NTRK3: variants seen among roughly 807,000 people sequenced by gnomAD.
NTRK3 encodes NT-3 growth factor receptor.
A neutral mutation model predicts 91.7 loss-of-function variants in NTRK3; 24 were observed. The ratio of observed to expected loss-of-function variants is 0.26; its 90% CI spans 0.19 to 0.37. The LOEUF (loss-of-function observed/expected upper bound fraction) is 0.37, where lower values mean the gene tolerates loss of function less well. Among genes scored for constraint, NTRK3 ranks in the 10% least tolerant of loss-of-function variants. The pLI, the probability that NTRK3 is intolerant of heterozygous loss-of-function variation, is 1.00. For missense variants in NTRK3, 880 were observed against 1,068.9 expected, an observed-to-expected ratio of 0.82 and a Z score of 2.46; for synonymous variants, 483 against 404.0, an observed-to-expected ratio of 1.20 and a Z score of -2.34.
chr15:88,049,253 C>A (rs1272998111), intron 13 of NTRK3, among the ~76,000 whole-genome samples: 1 of 152,132 alleles, frequency 6.6e-6, no homozygotes, highest in African/African-American at 2.4e-5. Context: ...TATTTTAAGT[C>A]CTTAACAGTT....
At chr15:88,200,729 A>G (rs1393011241) in intron 3 of NTRK3, among the ~76,000 whole-genome samples, 3 of 152,150 alleles carry the variant, frequency 2.0e-5, no homozygotes, top group African/African-American at 7.2e-5. Context: ...TCTTTCCTTT[A>G]TAAATTACCC....
At chr15:87,891,879 T>C (rs1173669282) in intron 17 of NTRK3, among the ~76,000 whole-genome samples, 2 of 152,140 alleles carry the variant, frequency 1.3e-5, no homozygotes, top group African/African-American at 4.8e-5. Flanking sequence ...TTCCGTGCCA[T>C]GTAATAGGCA....
intron 14 of NTRK3, among the ~76,000 whole-genome samples, chr15:88,013,358 AC>A (rs143337980): frequency 0.011 from 1,657 of 152,342 alleles, 18 homozygotes; most frequent in Non-Finnish European, 0.014. Flanking sequence ...AGCTCTGTGC[AC>A]AGTGGACCAT....
At chr15:88,063,245 C>T (rs920300800) in intron 13 of NTRK3, among the ~76,000 whole-genome samples, 1 of 152,212 alleles carries the variant, frequency 6.6e-6, no homozygotes, top group Non-Finnish European at 1.5e-5. Flanking sequence ...ATGACGATGA[C>T]AAGGATGAAG....
intron 17 of NTRK3, among the ~76,000 whole-genome samples, chr15:87,904,813 G>A (rs969507049): frequency 3.3e-5 from 5 of 152,188 alleles, no homozygotes; most frequent in Non-Finnish European, 7.3e-5. Flanking sequence ...ACTCCACAGA[G>A]CACACATATG....
chr15:87,929,377 A>G lies in NTRK3; in HGVS notation c.1947T>C (p.Gly649=), dbSNP rs749035034. The G allele has an allele frequency of 3.1e-6, 5 of 1,613,936 alleles. No individual in the cohort carries two copies. The South Asian group carries it at 5.5e-5, about 18-fold the overall frequency. The change falls in exon 17 of 19, where the codon GGT becomes GGC. Residue 649 remains glycine (G), a synonymous_variant. Coordinates refer to ENST00000394480, the Ensembl canonical transcript of NTRK3. ...GGAGCATTTGGGAGAGCCCCAGCTC[A>G]CCCTTGGCCTGGCGTGGCTGTCCAT...
At chr15:87,926,549 C>G (rs1266470491) in intron 17 of NTRK3, 1 of 152,206 alleles carries the variant, frequency 6.6e-6, no homozygotes, top group East Asian at 1.9e-4. Context: ...TCCTTAAATT[C>G]TAATCTACCC....
intron 13 of NTRK3, among the ~76,000 whole-genome samples, chr15:88,042,071 AT>A (rs1567278935): frequency 6.6e-6 from 1 of 152,118 alleles, no homozygotes; most frequent in African/African-American, 2.4e-5. Flanking sequence ...TAAGAAAATG[AT>A]TTTTTTAAAA....
Position 88,184,214 on chromosome 15 carries a change from G to T in NTRK3, c.323+11C>A, listed in dbSNP as rs1322578770. 2 of 1,613,884 alleles carry T rather than the reference G, an allele frequency of 1.2e-6. No homozygotes were observed. Among genetic ancestry groups the T allele is most frequent in the Middle Eastern group, 1.7e-4 (1 of 6,060 alleles). On this transcript the variant is annotated intron_variant, in intron 4 of 18. Coordinates refer to ENST00000394480, the Ensembl canonical transcript of NTRK3. ...ACAGGGAAAGGCCTCTCTGTGGCCGGGTGTACTCACAGCTTTTGAAGTCCG... is the reference window on the plus strand; with the variant it reads ...ACAGGGAAAGGCCTCTCTGTGGCCGTGTGTACTCACAGCTTTTGAAGTCCG...
intron 5 of NTRK3, among the ~76,000 whole-genome samples, chr15:88,177,466 A>C (rs146250120): frequency 5.3e-5 from 8 of 152,330 alleles, no homozygotes; most frequent in Middle Eastern, 3.4e-3. Context: ...ATATTTTATG[A>C]ATTTATTAAA....
intron 3 of NTRK3, among the ~76,000 whole-genome samples, chr15:88,204,536 T>C (rs1053056487): frequency 6.6e-6 from 1 of 152,216 alleles, no homozygotes; most frequent in East Asian, 1.9e-4. Flanking sequence ...TTGGCCAGGT[T>C]CTCCTTCCAG....
intron 14 of NTRK3, among the ~76,000 whole-genome samples, chr15:88,021,109 T>C (rs1364790944): frequency 6.6e-6 from 1 of 152,168 alleles, no homozygotes; most frequent in Non-Finnish European, 1.5e-5. Context: ...CTGCAACAGC[T>C]TCTAGGAAGA....
chr15:88,176,400 G>T (rs1316777454), intron 5 of NTRK3, among the ~76,000 whole-genome samples: 1 of 152,166 alleles, frequency 6.6e-6, no homozygotes, highest in Non-Finnish European at 1.5e-5. Context: ...CTCCCAAAGT[G>T]CTAGAAGTAT....
At chr15:87,958,505 T>G (rs996163035) in intron 14 of NTRK3, among the ~76,000 whole-genome samples, 4 of 151,980 alleles carry the variant, frequency 2.6e-5, no homozygotes, top group African/African-American at 9.7e-5. Context: ...CTTCTTCTCC[T>G]TGAATCTGAC....
Position 88,217,676 on chromosome 15 carries a change from C to A in NTRK3, c.249-33377G>T, listed in dbSNP as rs376217751. On this transcript the variant is annotated intron_variant, in intron 3 of 18. Transcript: ENST00000394480. ...TGAAAAGAGTTTGGGAGACCAGTTA[C>A]ACAGCAATGTGGATGTGCTTAACGT... is the stretch of plus-strand genomic sequence containing the variant. Among the ~76,000 whole-genome samples the A allele has an allele frequency of 3.3e-5, 5 of 152,090 alleles. No individual in the cohort carries two copies. The East Asian group carries it at 9.6e-4, about 29-fold the overall frequency.
At chr15:87,960,422 C>A (rs189668821) in intron 14 of NTRK3, among the ~76,000 whole-genome samples, 1 of 152,020 alleles carries the variant, frequency 6.6e-6, no homozygotes, top group African/African-American at 2.4e-5. Flanking sequence ...TAGCACCCGT[C>A]TCTCTTCACT....
At chr15:88,113,876 C>A (rs1239392460) in intron 13 of NTRK3, among the ~76,000 whole-genome samples, 1 of 152,202 alleles carries the variant, frequency 6.6e-6, no homozygotes, top group Non-Finnish European at 1.5e-5. Context: ...CTGATCTACA[C>A]AATAGTTTCT....
chr15:88,229,959 C>T (rs1204954933), intron 3 of NTRK3, among the ~76,000 whole-genome samples: 1 of 152,220 alleles, frequency 6.6e-6, no homozygotes. Flanking sequence ...AGGGTGGTCC[C>T]ACCACCTCCA....
intron 14 of NTRK3, among the ~76,000 whole-genome samples, chr15:88,015,592 G>A (rs759659550): frequency 2.6e-5 from 4 of 152,076 alleles, no homozygotes; most frequent in Non-Finnish European, 5.9e-5. Context: ...CCCTTTAGTT[G>A]CAGGGTCTCT....
Sources: gnomAD v4.1 joint callset for allele counts (sites outside exome capture counted in the v4.1 genomes callset) on GRCh38, gnomAD v4.1.1 for gene constraint, MANE v1.5 for transcripts, NCBI Gene and HGNC (gene_info 2026-07-23, HGNC 2026-07-21) for gene names.